The following DPP8 variants were observed in gnomAD, a reference collection of about 807,000 sequenced individuals.
DPP8 encodes the protein dipeptidyl peptidase 8.
A neutral mutation model predicts 107.5 loss-of-function variants in DPP8; 31 were observed. The observed-to-expected ratio is 0.29, with a 90% CI of 0.22 to 0.39. The LOEUF (loss-of-function observed/expected upper bound fraction) is 0.39. DPP8 is among the 10% of genes least tolerant of loss of function. The probability of loss-of-function intolerance (pLI) is 1.00; values close to 1 mark genes in which losing one functional copy is unlikely to be tolerated. For synonymous variants in DPP8, 381 were observed against 356.6 expected (o/e 1.07, Z -0.77); for missense variants, 842 against 1,076.1 (o/e 0.78, Z 3.04).
chr15:65,466,626 T>G (rs954652566), intron 14 of DPP8, 52 bp downstream of exon 14: 1 of 1,493,096 alleles, frequency 6.7e-7, no homozygotes, highest in African/African-American at 1.4e-5. Flanking sequence ...ACGTTTAGTG[T>G]ACTAATATAT....
chr15:65,497,752 A>G lies in DPP8; in HGVS notation c.715+112T>C, dbSNP rs16948777. 0.015 allele frequency: 12,916 copies of G among 846,194 alleles called. 1,163 individuals are homozygous for G. In the African/African-American group the frequency reaches 0.19, roughly 13 times the overall value. 52.4% of individuals were successfully genotyped at this position (846,194 alleles called of 1,614,324 possible). Reference sequence around the variant, plus strand: ...TTTTTTAAAAATTTTAAAGACTTGAATTTCAAATATAAAGATCACCCAACG... The same window carrying G: ...TTTTTTAAAAATTTTAAAGACTTGAGTTTCAAATATAAAGATCACCCAACG... On this transcript the variant is annotated intron_variant, in intron 5 of 19. Coordinates refer to ENST00000300141, the MANE Select transcript of DPP8 (RefSeq NM_130434.5).
intron 6 of DPP8, among the ~76,000 whole-genome samples, chr15:65,489,106 G>A (rs768201549): frequency 2.6e-5 from 4 of 152,032 alleles, no homozygotes; most frequent in Non-Finnish European, 5.9e-5. Context: ...GACTACAGGT[G>A]CATACCACCA....
At chr15:65,508,575 G>A (rs369097878) in intron 2 of DPP8, among the ~76,000 whole-genome samples, 36 of 152,156 alleles carry the variant, frequency 2.4e-4, no homozygotes, top group African/African-American at 8.4e-4. Context: ...ATTACTGGCC[G>A]GCCGAGGTGG....
intron 3 of DPP8, among the ~76,000 whole-genome samples, chr15:65,501,416 G>C (rs891011582): frequency 1.3e-5 from 2 of 152,170 alleles, no homozygotes; most frequent in South Asian, 4.1e-4. Context: ...ATGCAATTAA[G>C]AGCACAGACT....
chr15:65,512,236 A>G, intron 2 of DPP8, 59 bp downstream of exon 2: 1 of 1,514,786 alleles, frequency 6.6e-7, no homozygotes, highest in Non-Finnish European at 8.9e-7. Context: ...AATTATACCT[A>G]GACTTTAAGT....
At chr15:65,480,136 A>C in intron 10 of DPP8, 86 bp downstream of exon 10, 1 of 1,204,898 alleles carries the variant, frequency 8.3e-7, no homozygotes, top group South Asian at 1.6e-5. Flanking sequence ...CTTAAAAAAA[A>C]ATGCATTTTG....
intron 3 of DPP8, among the ~76,000 whole-genome samples, chr15:65,505,636 T>C (rs1421305179): frequency 9.2e-5 from 14 of 152,170 alleles, no homozygotes; most frequent in Admixed American, 8.5e-4. Context: ...GCAATGTTCA[T>C]GACAAATAGT....
At chr15:65,484,252 G>C (rs942350593) in intron 8 of DPP8, among the ~76,000 whole-genome samples, 2 of 151,222 alleles carry the variant, frequency 1.3e-5, no homozygotes, top group African/African-American at 2.4e-5. Context: ...TGTGAACCCA[G>C]AAGGCAGAGG....
chr15:65,498,283 A>T (rs390696), intron 4 of DPP8, among the ~76,000 whole-genome samples: 3 of 152,176 alleles, frequency 2.0e-5, no homozygotes, highest in African/African-American at 7.2e-5. Context: ...TTAGCTGGGC[A>T]TAGTGGTGGG....
At position 65,507,368 on chromosome 15, in the gene DPP8, G is replaced by A; in HGVS notation, c.260-13C>T. On this transcript the variant is annotated splice_polypyrimidine_tract_variant and intron_variant, in intron 2 of 19. Transcript: ENST00000300141. ...TCACCAGACATGGCTATAGGAGAAA[G>A]CAATCATTTATTATTATTTTTTCGA... 1 of 1,495,210 alleles carries A rather than the reference G, an allele frequency of 6.7e-7. No individual in the cohort carries two copies. Among genetic ancestry groups the A allele is most frequent in the Non-Finnish European group, 9.3e-7 (1 of 1,080,276 alleles). The allele number at this position is 1,495,210 out of a possible 1,614,324, so 92.6% of individuals were successfully genotyped here.
intron 19 of DPP8, among the ~76,000 whole-genome samples, chr15:65,448,690 A>AATAT (rs1491078036): frequency 2.7e-5 from 3 of 112,112 alleles, no homozygotes; most frequent in African/African-American, 7.1e-5. Context: ...AAAAAAAAAA[A>AATAT]ATATATATAT....
chr15:65,480,112 A>T (rs1468640175), intron 10 of DPP8, 110 bp downstream of exon 10: 1 of 856,110 alleles, frequency 1.2e-6, no homozygotes, highest in East Asian at 2.7e-5. Flanking sequence ...AAGAAATAAC[A>T]TGGTCCCTTT....
intron 16 of DPP8, chr15:65,455,910 G>C: frequency 8.5e-7 from 1 of 1,169,762 alleles, no homozygotes; most frequent in Non-Finnish European, 1.1e-6. Flanking sequence ...ACAGAGGACA[G>C]AACAAATCTC....
rs753220905 is a variant in DPP8, at chr15:65,480,298, T to C, written c.1220A>G (p.Gln407Arg). The part of the protein sequence containing the change: ...IPVEDDVMER[Q>R]RLIESVPDSV... ...ATCAGGCACTGACTCAATGAGTCTCTGCCTTTCCATAACATCATCTTCTAC... is the reference window on the plus strand; with the variant it reads ...ATCAGGCACTGACTCAATGAGTCTCCGCCTTTCCATAACATCATCTTCTAC... Residue 407 changes from glutamine (Q) to arginine (R), a missense_variant, in exon 10 of 20, where the codon CAG (glutamine) becomes CGG (arginine). Around this residue, in one of 2 missense-constraint regions of DPP8, gnomAD observed 663 missense variants for 758.0 expected, o/e 0.87. Transcript: ENST00000300141. 2.5e-6 allele frequency: 4 copies of C among 1,613,846 alleles called. No homozygotes were observed. The highest frequency in any genetic ancestry group is 1.7e-5 in the Admixed American group (1 of 59,974).
intron 5 of DPP8, among the ~76,000 whole-genome samples, chr15:65,497,148 C>G (rs974940633): frequency 2.0e-5 from 3 of 152,182 alleles, no homozygotes; most frequent in African/African-American, 7.2e-5. Flanking sequence ...CCTTGGCCTC[C>G]CAAAGTGCTT....
intron 12 of DPP8, 86 bp downstream of exon 12, chr15:65,474,123 G>T (rs2140619881): frequency 9.8e-7 from 1 of 1,016,314 alleles, no homozygotes; most frequent in Non-Finnish European, 1.5e-6. Flanking sequence ...AAATACCGGG[G>T]TCATATTAAA....
At position 65,451,975 on chromosome 15, in the gene DPP8, T is replaced by A; in HGVS notation, c.2399A>T (p.Glu800Val). The A allele has an allele frequency of 6.3e-7, 1 of 1,597,848 alleles. No individual in the cohort carries two copies. Among genetic ancestry groups the A allele is most frequent in the Non-Finnish European group, 8.5e-7 (1 of 1,175,302 alleles). The change falls in exon 18 of 20, where the codon GAA (glutamate) becomes GTA (valine). Residue 800 changes from glutamate (E) to valine (V), a missense_variant. By Grantham distance (121) the Glu-to-Val change is moderately radical. Around this residue, in one of 2 missense-constraint regions of DPP8, gnomAD observed 179 missense variants for 318.0 expected, o/e 0.56. Coordinates refer to ENST00000300141, the MANE Select transcript of DPP8 (RefSeq NM_130434.5). ...TTGCACTTACTCAGAGGGGAACTTTTCTGCTTGCATGGCCACAGATCCTAA... is the reference window on the plus strand; with the variant it reads ...TTGCACTTACTCAGAGGGGAACTTTACTGCTTGCATGGCCACAGATCCTAA... ...YYLGSVAMQA[E>V]KFPSEPNRLL... is the part of the protein sequence containing the mutation.
At chr15:65,469,653 C>CAAAAAAAAAAA (rs61311948) in intron 12 of DPP8, among the ~76,000 whole-genome samples, 1 of 66,546 alleles carries the variant, frequency 1.5e-5, no homozygotes, top group African/African-American at 6.0e-5. Context: ...AACTCCGTCT[C>CAAAAAAAAAAA]AAAAAAAAAA....
At chr15:65,448,574 G>C (rs2140301856) in intron 19 of DPP8, among the ~76,000 whole-genome samples, 1 of 148,578 alleles carries the variant, frequency 6.7e-6, no homozygotes, top group East Asian at 2.0e-4. Context: ...CGGGAGGCTG[G>C]GGCAGTAGAA....
Sources: allele counts gnomAD v4.1 joint callset (sites outside exome capture counted in the v4.1 genomes callset), GRCh38; gene constraint gnomAD v4.1.1; regional missense constraint gnomAD v4.1.1; transcripts MANE v1.5; gene names NCBI Gene and HGNC (gene_info 2026-07-23, HGNC 2026-07-21).